The following LPP variants were observed in gnomAD, a reference collection of about 807,000 sequenced individuals.
LPP encodes the protein lipoma-preferred partner.
Under a neutral mutation model 60.4 loss-of-function variants are expected in LPP, and 38 were observed. That is an observed-to-expected ratio of 0.63 (90% CI 0.49 to 0.83). The LOEUF is 0.83. Among genes scored for constraint, LPP ranks in the 40% least tolerant of loss-of-function variants. The pLI, the probability that LPP is intolerant of heterozygous loss-of-function variation, is 0.00. For missense variants in LPP, 902 were observed against 783.6 expected (o/e 1.15, Z -1.80); for synonymous variants, 328 against 290.8 (o/e 1.13, Z -1.30).
At chr3:188,790,883 G>A (rs1263223334) in intron 9 of LPP, among the ~76,000 whole-genome samples, 1 of 151,490 alleles carries the variant, frequency 6.6e-6, no homozygotes, top group South Asian at 2.1e-4. Flanking sequence ...GGTAGCGATG[G>A]TGCTTTTCAC....
intron 2 of LPP, among the ~76,000 whole-genome samples, chr3:188,291,362 G>C (rs981075477): frequency 6.6e-6 from 1 of 152,118 alleles, no homozygotes; most frequent in African/African-American, 2.4e-5. Flanking sequence ...GACATTGGCC[G>C]GGCGTGGTGG....
At chr3:188,407,768 GTTTTTTTTTTTGTTTGTTTGTTTTT>G (rs1783884270) in intron 4 of LPP, among the ~76,000 whole-genome samples, 1 of 61,282 alleles carries the variant, frequency 1.6e-5, no homozygotes, top group African/African-American at 4.5e-5. Flanking sequence ...CTCATTTATG[GTTTTTTTTTTTGTTTGTTTGTTTTT>G]TTTTTTTTTT....
intron 3 of LPP, among the ~76,000 whole-genome samples, chr3:188,357,224 A>C (rs543132121): frequency 6.0e-4 from 91 of 152,344 alleles, no homozygotes; most frequent in African/African-American, 2.1e-3. Flanking sequence ...AAAAAAATCA[A>C]ATTGAAGAAA....
chr3:188,623,304 C>A (rs1846172401), intron 7 of LPP, among the ~76,000 whole-genome samples: 1 of 147,252 alleles, frequency 6.8e-6, no homozygotes, highest in South Asian at 2.2e-4. Context: ...ATCTCCCAGG[C>A]TAGGGTGCAG....
chr3:188,672,139 A>G (rs942752513), intron 7 of LPP, among the ~76,000 whole-genome samples: 2 of 152,222 alleles, frequency 1.3e-5, no homozygotes, highest in African/African-American at 2.4e-5. Flanking sequence ...AATTTAAGCA[A>G]GAACTGGGAG....
intron 8 of LPP, among the ~76,000 whole-genome samples, chr3:188,756,772 C>A (rs959971230): frequency 7.2e-5 from 11 of 152,144 alleles, no homozygotes; most frequent in African/African-American, 2.4e-4. Context: ...CCCACTGTAT[C>A]CCAAGAATAG....
rs1319074242 is a variant in LPP at position 188,609,305 on chromosome 3, C to T, written c.574C>T (p.Pro192Ser). The T allele has an allele frequency of 3.7e-6, 6 of 1,614,090 alleles. No homozygotes were observed. The highest frequency in any genetic ancestry group is 5.1e-6 in the Non-Finnish European group (6 of 1,180,022). The change falls in exon 7 of 12, where the codon CCT becomes TCT. Residue 192 changes from proline (P) to serine (S), a missense_variant. Pro to Ser is a moderately conservative substitution (Grantham distance 74, BLOSUM62 -1). Transcript: ENST00000617246. This position sits in a 1 kb window ranked among gnomAD's most constrained non-coding sequence, Gnocchi z 6.9. ...PQPAPQAGPIPVAPIGTLKPQ... is the reference protein window; with the variant it reads ...PQPAPQAGPISVAPIGTLKPQ... ...GCCTGCACCCCAGGCTGGACCCATC[C>T]CTGTGGCTCCAATCGGAACACTCAA...
In LPP at chr3:188,365,635, C is replaced by T. The variant is rs1056402524; in HGVS notation, c.-10+23916C>T. Reference sequence around the variant, plus strand: ...GGGAACACTTGTTCCTAAGTTGCTGCCCCGTTGCTCAAAACATCTTGGTAA... The same window carrying T: ...GGGAACACTTGTTCCTAAGTTGCTGTCCCGTTGCTCAAAACATCTTGGTAA... On this transcript the variant is annotated intron_variant, in intron 3 of 11. Coordinates refer to ENST00000617246, the MANE Select transcript of LPP (RefSeq NM_001375462.1). Among the ~76,000 whole-genome samples, 3 of 151,850 alleles carry T rather than the reference C, an allele frequency of 2.0e-5. No homozygotes were observed. In the South Asian group the frequency reaches 6.2e-4, roughly 31 times the overall value.
intron 7 of LPP, among the ~76,000 whole-genome samples, chr3:188,621,771 T>C (rs866815444): frequency 3.3e-5 from 5 of 152,120 alleles, no homozygotes; most frequent in Non-Finnish European, 7.4e-5. Flanking sequence ...GTGATTCTCC[T>C]GCCTCAGCCT....
intron 6 of LPP, among the ~76,000 whole-genome samples, chr3:188,591,156 T>G (rs1838621990): frequency 6.6e-6 from 1 of 152,206 alleles, no homozygotes; most frequent in South Asian, 2.1e-4. Context: ...ACTTGGACAC[T>G]TATGTTGTGC....
At chr3:188,171,013 A>G (rs1381754799) in intron 1 of LPP, among the ~76,000 whole-genome samples, 3 of 152,076 alleles carry the variant, frequency 2.0e-5, no homozygotes, top group East Asian at 1.9e-4. Flanking sequence ...CTTGTTTTTC[A>G]TATCTGTATC....
chr3:188,889,938 G>T lies in LPP; in HGVS notation c.*15459G>T, dbSNP rs1403249955. The T allele has an allele frequency of 4.7e-6, 1 of 212,114 alleles. No individual in the cohort carries two copies. The highest frequency in any genetic ancestry group is 9.5e-6 in the Non-Finnish European group (1 of 104,828). 13.1% of individuals were successfully genotyped at this position (212,114 alleles called of 1,614,324 possible). A position where few individuals can be genotyped will look rare whatever the true frequency, so the allele number is the denominator to read the frequency against. ...ATCAGATTTTAGCGCTGGAAAATGA[G>T]TTCAAAAATTTCAGTGTAATGTCAT... On this transcript the variant is annotated 3_prime_UTR_variant, in exon 12 of 12. Transcript: ENST00000617246.
intron 7 of LPP, among the ~76,000 whole-genome samples, chr3:188,651,439 G>A (rs1302050227): frequency 1.3e-5 from 2 of 152,170 alleles, no homozygotes; most frequent in East Asian, 1.9e-4. Flanking sequence ...CATGATAGAC[G>A]GGCAAGGGTA....
chr3:188,222,430 T>C (rs1166993379), intron 1 of LPP, among the ~76,000 whole-genome samples: 3 of 152,138 alleles, frequency 2.0e-5, no homozygotes, highest in African/African-American at 7.2e-5. Flanking sequence ...GTGCTAGATA[T>C]GGGATCCCAG....
intron 5 of LPP, among the ~76,000 whole-genome samples, chr3:188,520,355 A>G (rs1818534787): frequency 6.6e-6 from 1 of 152,172 alleles, no homozygotes; most frequent in South Asian, 2.1e-4. Flanking sequence ...GTGACCTGGT[A>G]GCACTTGGCT....
At chr3:188,856,180 T>C (rs1763790695) in intron 9 of LPP, among the ~76,000 whole-genome samples, 1 of 152,220 alleles carries the variant, frequency 6.6e-6, no homozygotes, top group Admixed American at 6.5e-5. Context: ...AGACTTCTTA[T>C]TGGCTCATAG....
intron 6 of LPP, among the ~76,000 whole-genome samples, chr3:188,581,054 C>A (rs1248691019): frequency 6.6e-6 from 1 of 152,028 alleles, no homozygotes; most frequent in Non-Finnish European, 1.5e-5. Context: ...ACCTTCCCAG[C>A]CACATCTAGA....
At chr3:188,273,296 C>T (rs572225569) in intron 2 of LPP, among the ~76,000 whole-genome samples, 22 of 152,276 alleles carry the variant, frequency 1.4e-4, no homozygotes, top group Non-Finnish European at 2.5e-4. Flanking sequence ...TAGGGCACCA[C>T]GATGGAAAAC....
chr3:188,475,469 G>A (rs939482096), intron 4 of LPP, among the ~76,000 whole-genome samples: 1 of 152,104 alleles, frequency 6.6e-6, no homozygotes, highest in Admixed American at 6.6e-5. Flanking sequence ...TAATAATTAA[G>A]CCAAAAGGAT....
Sources: allele counts gnomAD v4.1 joint callset (sites outside exome capture counted in the v4.1 genomes callset), GRCh38; gene constraint gnomAD v4.1.1; non-coding constraint Gnocchi (gnomAD v3.1); transcripts MANE v1.5; gene names NCBI Gene and HGNC (gene_info 2026-07-23, HGNC 2026-07-21).